The following SPDL1 variants were observed in gnomAD, a reference collection of about 807,000 sequenced individuals.
The protein encoded by SPDL1 is protein Spindly.
Under a neutral mutation model 79.5 loss-of-function variants are expected in SPDL1, and 85 were observed. That is an observed-to-expected ratio of 1.07 (90% CI 0.90 to 1.28). The LOEUF is 1.28. SPDL1 is among the 50% of genes most tolerant of loss of function. SPDL1 has a pLI of 0.00. For synonymous variants in SPDL1, 269 were observed against 240.3 expected, an observed-to-expected ratio of 1.12 and a Z score of -1.10; for missense variants, 703 against 697.8, an observed-to-expected ratio of 1.01 and a Z score of -0.08.
At chr5:169,590,372 C>T (rs1377558667) in intron 2 of SPDL1, among the ~76,000 whole-genome samples, 1 of 152,168 alleles carries the variant, frequency 6.6e-6, no homozygotes, top group Non-Finnish European at 1.5e-5. Context: ...CATAACTTGT[C>T]AAATTTCAGT....
rs1038013879 is a variant in SPDL1, at chr5:169,601,390, C to T, written c.1435C>T (p.Arg479Ter). 13 of 1,613,860 alleles carry T rather than the reference C, an allele frequency of 8.1e-6. No homozygotes were observed. Among genetic ancestry groups the T allele is most frequent in the Admixed American group, 6.7e-5 (4 of 59,980 alleles). ...NNSALGGEVY[R>*]LPPQKEETQS... Reference sequence around the variant, plus strand: ...CAGTGCTCTCGGGGGAGAAGTTTATCGATTACCGCCTCAGAAAGAGGAGAC... The same window carrying T: ...CAGTGCTCTCGGGGGAGAAGTTTATTGATTACCGCCTCAGAAAGAGGAGAC... The change falls in exon 11 of 12, where the codon CGA (arginine) becomes TGA (stop). Residue 479 changes from arginine to a stop codon, truncating the protein, a stop_gained. Coordinates refer to ENST00000265295, the MANE Select transcript of SPDL1 (RefSeq NM_017785.5). LOFTEE classifies it high-confidence loss of function.
At chr5:169,597,436 T>C (rs376859822) in intron 8 of SPDL1, among the ~76,000 whole-genome samples, 1 of 152,308 alleles carries the variant, frequency 6.6e-6, no homozygotes, top group South Asian at 2.1e-4. Context: ...GGTCTGCTTC[T>C]CTGTGTGTCT....
intron 2 of SPDL1, among the ~76,000 whole-genome samples, chr5:169,589,824 T>G (rs1356303444): frequency 6.6e-6 from 1 of 151,952 alleles, no homozygotes; most frequent in Non-Finnish European, 1.5e-5. Context: ...ACCTCAGCCT[T>G]CCGAGTAGCT....
Position 169,604,264 on chromosome 5 carries a change from TAAG to T in SPDL1, c.*59_*61del, listed in dbSNP as rs3836889. The T allele has an allele frequency of 1.3e-3, 1,845 of 1,438,098 alleles. 31 individuals are homozygous for T. The East Asian group carries it at 0.037, about 29-fold the overall frequency. 89.1% of individuals were successfully genotyped at this position (1,438,098 alleles called of 1,614,324 possible). A position where few individuals can be genotyped will look rare whatever the true frequency, so the allele number is the denominator to read the frequency against. On this transcript the variant is annotated 3_prime_UTR_variant, in exon 12 of 12. Coordinates refer to ENST00000265295, the MANE Select transcript of SPDL1 (RefSeq NM_017785.5). The stretch of plus-strand genomic sequence containing the variant: ...TTGCCTCAAAAGTTACTATGGTGCT[TAAG>T]ATTGTCTTGATCTGACATATATCAC...
chr5:169,592,787 G>A (rs896581500), intron 3 of SPDL1, among the ~76,000 whole-genome samples: 1 of 143,402 alleles, frequency 7.0e-6, no homozygotes, highest in African/African-American at 2.5e-5. Flanking sequence ...ACTGAGGTAA[G>A]GCTAATTATA....
chr5:169,595,613 T>G (rs1325276258), intron 7 of SPDL1: 1 of 152,200 alleles, frequency 6.6e-6, no homozygotes, highest in Non-Finnish European at 1.5e-5. Flanking sequence ...TTCTAAGGGT[T>G]TCCAGACTGT....
chr5:169,594,014 T>G, intron 4 of SPDL1, 131 bp from the exon 5 acceptor site: 1 of 661,036 alleles, frequency 1.5e-6, no homozygotes, highest in Non-Finnish European at 2.5e-6. Flanking sequence ...TATTTTAGAA[T>G]GTACCTGACA....
chr5:169,598,919 A>T, intron 9 of SPDL1, 53 bp from the exon 10 acceptor site: 2 of 1,494,998 alleles, frequency 1.3e-6, no homozygotes, highest in Admixed American at 2.5e-5. Context: ...ATACCACTAC[A>T]CTTATTATAT....
rs1015248915 is a variant in SPDL1 at position 169,604,282 on chromosome 5, A to G, written c.*75A>G. On this transcript the variant is annotated 3_prime_UTR_variant, in exon 12 of 12. Transcript: ENST00000265295. ...TGGTGCTTAAGATTGTCTTGATCTG[A>G]CATATATCACCTTCTGGGTTATTTA... is the stretch of plus-strand genomic sequence containing the variant. 13 of 1,338,068 alleles carry G rather than the reference A, an allele frequency of 9.7e-6. No individual in the cohort carries two copies. The African/African-American group carries it at 1.6e-4, about 17-fold the overall frequency. 82.9% of individuals were successfully genotyped at this position (1,338,068 alleles called of 1,614,324 possible).
chr5:169,603,861 A>T (rs1027376499), intron 11 of SPDL1, among the ~76,000 whole-genome samples, 199 bp from the exon 12 acceptor site: 1 of 152,200 alleles, frequency 6.6e-6, no homozygotes, highest in Non-Finnish European at 1.5e-5. Flanking sequence ...TCAAAAAGTA[A>T]TAATAACAAT....
Position 169,594,757 on chromosome 5 carries a change from A to G in SPDL1, c.891+76A>G, listed in dbSNP as rs535276440. ...TTACATGTATGAATACATCAAAGAA[A>G]CTAGCTTTTTCTGCAAGGAGTGTAC... On this transcript the variant is annotated intron_variant, in intron 7 of 11. Transcript: ENST00000265295. The G allele has an allele frequency of 6.0e-5, 56 of 926,410 alleles. No homozygotes were observed. The African/African-American group carries it at 9.0e-4, about 15-fold the overall frequency. 57.4% of individuals were successfully genotyped at this position (926,410 alleles called of 1,614,324 possible). A position where few individuals can be genotyped will look rare whatever the true frequency, so the allele number is the denominator to read the frequency against.
chr5:169,599,089 G>C lies in SPDL1; in HGVS notation c.1254G>C (p.Gln418His), dbSNP rs1406418426. 9 of 1,596,200 alleles carry C rather than the reference G, an allele frequency of 5.6e-6. No individual in the cohort carries two copies. Among genetic ancestry groups the C allele is most frequent in the Non-Finnish European group, 6.8e-6 (8 of 1,167,890 alleles). Residue 418 changes from glutamine to histidine, a missense_variant, in exon 10 of 12, where the codon CAG becomes CAC. Gln to His is a conservative substitution (Grantham distance 24, BLOSUM62 0). Transcript: ENST00000265295. ...RKLFANERCLQLSESENMKLR... is the reference protein window; with the variant it reads ...RKLFANERCLHLSESENMKLR... ...TTTTTGCAAATGAAAGATGCCTCCA[G>C]CTTTCAGAAAGTGAAAATATGAAAC...
intron 1 of SPDL1, 87 bp downstream of exon 1, chr5:169,583,976 G>C (rs1025639734): frequency 6.6e-6 from 1 of 152,444 alleles, no homozygotes; most frequent in Non-Finnish European, 1.5e-5. Flanking sequence ...TAGGGGCCGG[G>C]GTCTCGGCCG....
At chr5:169,599,204 C>A (rs771522821) in intron 10 of SPDL1, 45 bp downstream of exon 10, 25 of 1,198,560 alleles carry the variant, frequency 2.1e-5, no homozygotes, top group Admixed American at 5.4e-5. Flanking sequence ...TATGAGTAAC[C>A]TGAAATTATA....
intron 2 of SPDL1, among the ~76,000 whole-genome samples, chr5:169,589,312 A>G (rs1755148678): frequency 6.6e-6 from 1 of 152,128 alleles, no homozygotes; most frequent in African/African-American, 2.4e-5. Context: ...GTTGCCATTC[A>G]TGCCATTCAT....
chr5:169,588,347 G>A, intron 1 of SPDL1, 47 bp from the exon 2 acceptor site: 1 of 1,298,198 alleles, frequency 7.7e-7, no homozygotes, highest in Non-Finnish European at 1.1e-6. Flanking sequence ...ATTATTGCAT[G>A]GAGTTTTTTG....
intron 7 of SPDL1, chr5:169,595,639 G>A (rs1425421855): frequency 1.3e-5 from 2 of 152,152 alleles, no homozygotes; most frequent in Non-Finnish European, 2.9e-5. Flanking sequence ...CTCATTTCCT[G>A]AGACTCTCCC....
intron 9 of SPDL1, 73 bp from the exon 10 acceptor site, chr5:169,598,899 T>C: frequency 6.8e-7 from 1 of 1,473,832 alleles, no homozygotes; most frequent in Non-Finnish European, 9.0e-7. Flanking sequence ...AAATATGCGA[T>C]GAAATATTTA....
chr5:169,593,438 C>G lies in SPDL1; in HGVS notation c.421C>G (p.Leu141Val), dbSNP rs757038038. The G allele has an allele frequency of 6.2e-7, 1 of 1,614,068 alleles. No individual in the cohort carries two copies. The highest frequency in any genetic ancestry group is 8.5e-7 in the Non-Finnish European group (1 of 1,179,996). ...KHQVDHQKEL[L>V]SCKSEELRVM... ...CCAAGTAGATCATCAGAAGGAACTCCTCTCTTGTAAATCAGAGGAACTGCG... is the reference window on the plus strand; with the variant it reads ...CCAAGTAGATCATCAGAAGGAACTCGTCTCTTGTAAATCAGAGGAACTGCG... The change falls in exon 4 of 12, where the codon CTC becomes GTC. Residue 141 changes from leucine to valine, a missense_variant. Coordinates refer to ENST00000265295, the MANE Select transcript of SPDL1 (RefSeq NM_017785.5).
Sources: allele counts gnomAD v4.1 joint callset (sites outside exome capture counted in the v4.1 genomes callset), GRCh38; gene constraint gnomAD v4.1.1; transcripts MANE v1.5; gene names NCBI Gene and HGNC (gene_info 2026-07-23, HGNC 2026-07-21).